The following SGMS1 variants were observed in gnomAD, a reference collection of about 807,000 sequenced individuals.
SGMS1 encodes sphingomyelin synthase 1, also known as phosphatidylcholine:ceramide cholinephosphotransferase 1.
In SGMS1, 13 loss-of-function variants were observed where a neutral mutation model predicts 46.2. The ratio of observed to expected loss-of-function variants is 0.28; its 90% CI spans 0.18 to 0.45. The LOEUF (loss-of-function observed/expected upper bound fraction) is 0.45. Ranked by LOEUF, SGMS1 falls within the 20% of genes least tolerant of loss-of-function variation. The pLI is 1.00. For synonymous variants in SGMS1, 203 were observed against 187.8 expected (o/e 1.08, Z -0.66); for missense variants, 324 against 519.9 (o/e 0.62, Z 3.66).
chr10:50,324,260 T>C (rs1847495341), intron 8 of SGMS1, among the ~76,000 whole-genome samples: 1 of 152,226 alleles, frequency 6.6e-6, no homozygotes, highest in Non-Finnish European at 1.5e-5. Context: ...TAGTAAGTGG[T>C]TGTGTAAGAC....
intron 7 of SGMS1, among the ~76,000 whole-genome samples, chr10:50,331,293 G>A (rs1463451471): frequency 6.6e-6 from 1 of 152,122 alleles, no homozygotes; most frequent in African/African-American, 2.4e-5. Flanking sequence ...TTATTTTACA[G>A]ATGGGAAAAG....
intron 2 of SGMS1, among the ~76,000 whole-genome samples, chr10:50,529,922 A>G (rs893366809): frequency 6.6e-6 from 1 of 152,144 alleles, no homozygotes; most frequent in African/African-American, 2.4e-5. Flanking sequence ...AAAATCCCAC[A>G]CCATAAAAGA....
Position 50,590,234 on chromosome 10 carries a change from A to G in SGMS1, c.-670T>C, listed in dbSNP as rs1320189578. Reference sequence around the variant, plus strand: ...CCACGGGCCCATTCAGGGATCGTACATGCTGTCGTCACGCTGCAAGAATAA... The same window carrying G: ...CCACGGGCCCATTCAGGGATCGTACGTGCTGTCGTCACGCTGCAAGAATAA... On this transcript the variant is annotated 5_prime_UTR_variant, in exon 2 of 11. An upstream start codon of the reference 5' UTR is lost. Transcript: ENST00000361781. 6.6e-6 allele frequency: 1 copy of G among 152,364 alleles called. No homozygotes were observed. Among genetic ancestry groups the G allele is most frequent in the African/African-American group, 2.4e-5 (1 of 41,450 alleles). 9.4% of individuals were successfully genotyped at this position (152,364 alleles called of 1,614,324 possible).
At chr10:50,538,139 C>T (rs1236353263) in intron 2 of SGMS1, among the ~76,000 whole-genome samples, 1 of 124,712 alleles carries the variant, frequency 8.0e-6, no homozygotes, top group Non-Finnish European at 1.6e-5. Context: ...TAATAAGGTG[C>T]TGGATAAGAT....
intron 3 of SGMS1, among the ~76,000 whole-genome samples, chr10:50,496,174 C>G (rs1466024674): frequency 6.6e-6 from 1 of 152,126 alleles, no homozygotes; most frequent in African/African-American, 2.4e-5. Context: ...ACATGCTGTG[C>G]AGGAAAAGGG....
intron 2 of SGMS1, among the ~76,000 whole-genome samples, chr10:50,585,918 T>C (rs1255557673): frequency 1.3e-5 from 2 of 152,238 alleles, no homozygotes; most frequent in Non-Finnish European, 2.9e-5. Context: ...ACAGAGGTTA[T>C]GATTACTATG....
At chr10:50,547,748 C>G (rs914171713) in intron 2 of SGMS1, among the ~76,000 whole-genome samples, 2 of 151,994 alleles carry the variant, frequency 1.3e-5, no homozygotes, top group African/African-American at 4.8e-5. Flanking sequence ...AAAAAAGAAA[C>G]CTTCAGGCCA....
chr10:50,311,439 A>G (rs754579690), intron 8 of SGMS1, 24 bp from the exon 9 acceptor site: 10 of 1,609,920 alleles, frequency 6.2e-6, no homozygotes, highest in Non-Finnish European at 8.5e-6. Flanking sequence ...AGAAAAGAAG[A>G]AAAAGAAGAT....
intron 2 of SGMS1, among the ~76,000 whole-genome samples, chr10:50,551,744 T>C (rs534435622): frequency 2.6e-5 from 4 of 152,210 alleles, no homozygotes; most frequent in South Asian, 2.1e-4. Context: ...CCCAGGCTTA[T>C]AGTAGATTCT....
chr10:50,609,090 T>C (rs1390828642), intron 1 of SGMS1, among the ~76,000 whole-genome samples: 2 of 152,070 alleles, frequency 1.3e-5, no homozygotes, highest in African/African-American at 4.8e-5. Flanking sequence ...GCTCAAGCGA[T>C]CCTCCCACCT....
At chr10:50,371,649 T>C (rs776913543) in intron 6 of SGMS1, among the ~76,000 whole-genome samples, 2 of 152,226 alleles carry the variant, frequency 1.3e-5, no homozygotes, top group Non-Finnish European at 2.9e-5. Flanking sequence ...ATGTTTCACA[T>C]GATGGGCTTC....
At chr10:50,406,975 CAAAGCAG>C (rs1849024427) in intron 6 of SGMS1, among the ~76,000 whole-genome samples, 1 of 152,140 alleles carries the variant, frequency 6.6e-6, no homozygotes, top group African/African-American at 2.4e-5. Context: ...CTTGGCCTCC[CAAAGCAG>C]TGCTGGGATT....
chr10:50,432,692 T>G (rs1053436311), intron 6 of SGMS1, among the ~76,000 whole-genome samples: 2 of 152,256 alleles, frequency 1.3e-5, no homozygotes, highest in Non-Finnish European at 2.9e-5. Context: ...ATATGATTTA[T>G]TGTGCCAGTA....
intron 8 of SGMS1, among the ~76,000 whole-genome samples, chr10:50,320,547 C>T (rs1847424667): frequency 6.6e-6 from 1 of 152,142 alleles, no homozygotes; most frequent in African/African-American, 2.4e-5. Context: ...AATGCCCCTG[C>T]TAAAACTTTT....
chr10:50,579,815 T>C (rs1031869939), intron 2 of SGMS1, among the ~76,000 whole-genome samples: 2 of 152,092 alleles, frequency 1.3e-5, no homozygotes, highest in African/African-American at 4.8e-5. Flanking sequence ...ATCCAATACA[T>C]AGGCAAGATA....
chr10:50,440,275 A>AAAAT (rs1554939081), intron 5 of SGMS1, among the ~76,000 whole-genome samples: 2 of 140,006 alleles, frequency 1.4e-5, no homozygotes, highest in African/African-American at 6.2e-5. Flanking sequence ...CAAATTAAAA[A>AAAAT]ATATATATAT....
intron 6 of SGMS1, chr10:50,418,244 C>T (rs1849205066): frequency 6.6e-6 from 1 of 152,154 alleles, no homozygotes; most frequent in Non-Finnish European, 1.5e-5. Flanking sequence ...TGATCGGTCC[C>T]GGCGGTCCCG....
intron 1 of SGMS1, among the ~76,000 whole-genome samples, chr10:50,617,934 TC>T (rs1838813194): frequency 6.8e-6 from 1 of 147,668 alleles, no homozygotes; most frequent in South Asian, 2.2e-4. Context: ...CCCAGGCTGG[TC>T]TTGAACTCCT....
At chr10:50,584,498 C>CACA (rs1838464461) in intron 2 of SGMS1, among the ~76,000 whole-genome samples, 2 of 69,558 alleles carry the variant, frequency 2.9e-5, no homozygotes, top group Non-Finnish European at 5.7e-5. Context: ...GACTCCATCT[C>CACA]AAAAAAAAAA....
Sources: allele counts gnomAD v4.1 joint callset (sites outside exome capture counted in the v4.1 genomes callset), GRCh38; gene constraint gnomAD v4.1.1; transcripts MANE v1.5; gene names NCBI Gene and HGNC (gene_info 2026-07-23, HGNC 2026-07-21).